The following LOXHD1 variants were observed in gnomAD, a reference collection of about 807,000 sequenced individuals.
LOXHD1 encodes the protein lipoxygenase homology domain-containing protein 1.
Under a neutral mutation model 248.2 loss-of-function variants are expected in LOXHD1, and 205 were observed. The ratio of observed to expected loss-of-function variants is 0.83; its 90% CI spans 0.74 to 0.93. The LOEUF (loss-of-function observed/expected upper bound fraction) is 0.93. LOXHD1 is among the 40% of genes least tolerant of loss of function. LOXHD1 has a pLI of 0.00. For missense variants in LOXHD1, 2,930 were observed against 2,971.6 expected (o/e 0.99, Z 0.33); for synonymous variants, 1,113 against 1,162.8 (o/e 0.96, Z 0.87).
intron 14 of LOXHD1, among the ~76,000 whole-genome samples, chr18:46,574,485 A>G (rs966146079): frequency 6.6e-6 from 1 of 151,178 alleles, no homozygotes; most frequent in Non-Finnish European, 1.5e-5. Context: ...GAGTTAAAAT[A>G]ACAGCTCAGG....
chr18:46,613,675 G>T (rs1362769536), intron 5 of LOXHD1, among the ~76,000 whole-genome samples: 1 of 152,062 alleles, frequency 6.6e-6, no homozygotes, highest in Non-Finnish European at 1.5e-5. Context: ...AATTAAGCAT[G>T]ATATTTGTGC....
At chr18:46,500,836 T>C (rs1168251621) in intron 37 of LOXHD1, among the ~76,000 whole-genome samples, 1 of 152,122 alleles carries the variant, frequency 6.6e-6, no homozygotes, top group Non-Finnish European at 1.5e-5. Context: ...CTCACATGTG[T>C]TCCTTCATTT....
At chr18:46,584,739 G>A (rs1182900509) in intron 12 of LOXHD1, among the ~76,000 whole-genome samples, 2 of 151,956 alleles carry the variant, frequency 1.3e-5, no homozygotes, top group East Asian at 3.9e-4. Flanking sequence ...CATTACCCTG[G>A]TACCAAAACT....
downstream of LOXHD1, chr18:46,477,164 T>C (rs1387222806): frequency 5.6e-5 from 40 of 719,096 alleles, 2 homozygotes; most frequent in South Asian, 4.6e-4. Flanking sequence ...TTCTATCCCC[T>C]GGGTGAAGAC....
Position 46,614,632 on chromosome 18 carries a change from CG to C in LOXHD1, c.610+3559del, listed in dbSNP as rs1345036839. 4.6e-5 allele frequency among the ~76,000 whole-genome samples: 7 copies of C among 151,994 alleles called. No individual in the cohort carries two copies. In the East Asian group the frequency reaches 9.7e-4, roughly 21 times the overall value. On this transcript the variant is annotated intron_variant, in intron 5 of 40. Transcript: ENST00000642948. The stretch of plus-strand genomic sequence containing the variant: ...ATACCTAATGTAAATGATGAGTTAA[CG>C]GGTGCAGCACACCAACGTGGCACAT...
intron 19 of LOXHD1, 35 bp downstream of exon 19, chr18:46,560,048 T>TGCCGGCCC: frequency 2.3e-5 from 28 of 1,226,290 alleles, no homozygotes; most frequent in Non-Finnish European, 2.8e-5. Context: ...GTCTGGCCAC[T>TGCCGGCCC]CCCTCCCCAC....
At position 46,642,130 on chromosome 18, in the gene LOXHD1, A is replaced by G. The variant is rs547342841; in HGVS notation, c.246-94T>C. 20 of 1,097,478 alleles carry G rather than the reference A, an allele frequency of 1.8e-5. No homozygotes were observed. The South Asian group carries it at 2.5e-4, about 14-fold the overall frequency. The allele number at this position is 1,097,478 out of a possible 1,614,324, so 68.0% of individuals were successfully genotyped here. ...CTGGCATTCCGCTTCTTCCTCCATCATCCCACTCCTGGGGAGAGCTATGAG... is the reference window on the plus strand; with the variant it reads ...CTGGCATTCCGCTTCTTCCTCCATCGTCCCACTCCTGGGGAGAGCTATGAG... On this transcript the variant is annotated intron_variant, in intron 2 of 40. Coordinates refer to ENST00000642948, the MANE Select transcript of LOXHD1 (RefSeq NM_001384474.1).
At chr18:46,542,614 C>T (rs1030000692) in intron 24 of LOXHD1, 113 bp downstream of exon 24, 1 of 1,289,856 alleles carries the variant, frequency 7.8e-7, no homozygotes, top group Non-Finnish European at 1.1e-6. Context: ...GAAGCTGTGT[C>T]ATTACAGAAG....
rs1015633854 is a variant in LOXHD1 at position 46,477,826 on chromosome 18, G to A, written c.6468C>T (p.Tyr2156=). 9.7e-6 allele frequency: 15 copies of A among 1,551,724 alleles called. No individual in the cohort carries two copies. The highest frequency in any genetic ancestry group is 1.2e-5 in the South Asian group (1 of 84,066). ...SKVQSLVPVK[Y]EVIVTTGYEP... Reference sequence around the variant, plus strand: ...CATAGCCTGTTGTCACGATGACTTCGTACTTGACGGGCACCAGGCTCTGGA... The same window carrying A: ...CATAGCCTGTTGTCACGATGACTTCATACTTGACGGGCACCAGGCTCTGGA... The change falls in exon 41 of 41, where the codon TAC becomes TAT. Residue 2156 remains tyrosine (Y), a synonymous_variant. Transcript: ENST00000642948.
At chr18:46,587,695 A>T (rs2038087936) in intron 12 of LOXHD1, among the ~76,000 whole-genome samples, 1 of 152,176 alleles carries the variant, frequency 6.6e-6, no homozygotes, top group Admixed American at 6.5e-5. Flanking sequence ...AGAAGCTACG[A>T]TTTTCTGCAC....
chr18:46,643,720 A>G (rs1183001083), intron 2 of LOXHD1, among the ~76,000 whole-genome samples: 2 of 152,232 alleles, frequency 1.3e-5, no homozygotes, highest in Non-Finnish European at 2.9e-5. Flanking sequence ...CCAATATATA[A>G]GACAAGGCAA....
chr18:46,500,944 G>A (rs774479031), intron 37 of LOXHD1, among the ~76,000 whole-genome samples: 1 of 151,970 alleles, frequency 6.6e-6, no homozygotes, highest in South Asian at 2.1e-4. Flanking sequence ...CTGAGTCCTC[G>A]GACTAGCATC....
At position 46,560,352 on chromosome 18, in the gene LOXHD1, C is replaced by T. The variant is rs759589020; in HGVS notation, c.2792G>A (p.Arg931Gln). 6.4e-6 allele frequency: 10 copies of T among 1,552,460 alleles called. No individual in the cohort carries two copies. The East Asian group carries it at 7.3e-5, about 11-fold the overall frequency. The change falls in exon 19 of 41, where the codon CGG (arginine) becomes CAG (glutamine). Residue 931 changes from arginine to glutamine, a missense_variant. Physicochemically the swap from Arg to Gln is conservative, Grantham distance 43. Transcript: ENST00000642948. Reference protein sequence around the residue: ...DKLRQLLKKERLKAKLQRKKK... With the variant: ...DKLRQLLKKEQLKAKLQRKKK... ...CTTCCTCTGCAGCTTGGCCTTCAGCCGCTCCTTCTTGAGCAGCTGCCGCAG... is the reference window on the plus strand; with the variant it reads ...CTTCCTCTGCAGCTTGGCCTTCAGCTGCTCCTTCTTGAGCAGCTGCCGCAG...
chr18:46,560,641 T>A, intron 18 of LOXHD1, 96 bp from the exon 19 acceptor site: 1 of 1,161,334 alleles, frequency 8.6e-7, no homozygotes, highest in Non-Finnish European at 1.2e-6. Context: ...ACAAGGCCTG[T>A]TTGCTAAGCT....
chr18:46,572,287 T>C, intron 14 of LOXHD1, 125 bp from the exon 15 acceptor site: 1 of 834,592 alleles, frequency 1.2e-6, no homozygotes, highest in Non-Finnish European at 2.0e-6. Context: ...GAAATGATTC[T>C]ATGGGAGCAT....
intron 28 of LOXHD1, among the ~76,000 whole-genome samples, chr18:46,531,306 C>T (rs1052180695): frequency 3.9e-5 from 6 of 152,208 alleles, no homozygotes; most frequent in Admixed American, 3.3e-4. Flanking sequence ...AGAAAATCCT[C>T]TCTTTATTGT....
intron 37 of LOXHD1, among the ~76,000 whole-genome samples, chr18:46,495,382 C>CT (rs575230071): frequency 1.1e-3 from 167 of 152,156 alleles, no homozygotes; most frequent in Non-Finnish European, 1.5e-3. Context: ...GCCTGAGGGA[C>CT]TTTTTTAACA....
intron 5 of LOXHD1, among the ~76,000 whole-genome samples, chr18:46,613,661 T>C (rs2038541415): frequency 6.6e-6 from 1 of 152,176 alleles, no homozygotes; most frequent in South Asian, 2.1e-4. Context: ...TTTCAAGTTT[T>C]CAAAATTAAG....
intron 40 of LOXHD1, among the ~76,000 whole-genome samples, chr18:46,482,043 T>C (rs911143508): frequency 6.6e-6 from 1 of 152,228 alleles, no homozygotes; most frequent in African/African-American, 2.4e-5. Flanking sequence ...TGGCCCTGAC[T>C]TGCTCAGTGA....
Sources: gnomAD v4.1 joint callset for allele counts (sites outside exome capture counted in the v4.1 genomes callset) on GRCh38, gnomAD v4.1.1 for gene constraint, MANE v1.5 for transcripts, NCBI Gene and HGNC (gene_info 2026-07-23, HGNC 2026-07-21) for gene names.